INO80: variants seen among roughly 807,000 people sequenced by gnomAD.
The protein encoded by INO80 is INO80 complex ATPase subunit.
Under a neutral mutation model 203.4 loss-of-function variants are expected in INO80, and 20 were observed. That is an observed-to-expected ratio of 0.10 (90% CI 0.07 to 0.14). INO80 has a LOEUF of 0.14. Among genes scored for constraint, INO80 ranks in the 10% least tolerant of loss-of-function variants. INO80 has a pLI of 1.00. For missense variants in INO80, 1,419 were observed against 1,914.4 expected, an observed-to-expected ratio of 0.74 and a Z score of 4.83; for synonymous variants, 726 against 685.2, an observed-to-expected ratio of 1.06 and a Z score of -0.93.
intron 19 of INO80, among the ~76,000 whole-genome samples, chr15:41,053,635 G>A (rs2044926331): frequency 6.6e-6 from 1 of 152,130 alleles, no homozygotes; most frequent in Admixed American, 6.5e-5. Flanking sequence ...TTGAATAAGA[G>A]AGAGGTAGAG....
intron 28 of INO80, among the ~76,000 whole-genome samples, chr15:41,003,988 A>G (rs1469067145): frequency 6.6e-6 from 1 of 152,236 alleles, no homozygotes; most frequent in Non-Finnish European, 1.5e-5. Context: ...AGGACATGAC[A>G]TGATAAAATA....
chr15:41,020,776 C>CA, intron 26 of INO80, 124 bp downstream of exon 26: 1 of 616,594 alleles, frequency 1.6e-6, no homozygotes, highest in Non-Finnish European at 2.8e-6. Context: ...TTACTAAGGC[C>CA]AAAAAAGGAA....
chr15:41,085,079 A>T (rs1488231939), intron 7 of INO80, among the ~76,000 whole-genome samples: 1 of 152,180 alleles, frequency 6.6e-6, no homozygotes, highest in Admixed American at 6.6e-5. Context: ...TTGGCTGTCA[A>T]GTATCTATTG....
chr15:41,002,520 C>A (rs775015201), intron 28 of INO80, among the ~76,000 whole-genome samples: 1 of 152,152 alleles, frequency 6.6e-6, no homozygotes, highest in Non-Finnish European at 1.5e-5. Context: ...GCCAGGAGAA[C>A]GACTGCGGCT....
intron 35 of INO80, among the ~76,000 whole-genome samples, chr15:40,982,461 G>A (rs1352133227): frequency 6.6e-6 from 1 of 152,102 alleles, no homozygotes; most frequent in Non-Finnish European, 1.5e-5. Flanking sequence ...TGTGGTATAC[G>A]CCTATGCATG....
At chr15:41,080,430 T>C (rs1189140857) in intron 8 of INO80, among the ~76,000 whole-genome samples, 1 of 152,200 alleles carries the variant, frequency 6.6e-6, no homozygotes, top group Non-Finnish European at 1.5e-5. Context: ...GGGAAGGTAT[T>C]CACATCATTA....
At chr15:41,011,086 T>C (rs1313513940) in intron 27 of INO80, among the ~76,000 whole-genome samples, 1 of 152,228 alleles carries the variant, frequency 6.6e-6, no homozygotes, top group African/African-American at 2.4e-5. Context: ...CCTACTCCTG[T>C]TATTTCCCTT....
intron 29 of INO80, among the ~76,000 whole-genome samples, chr15:40,996,442 C>T (rs1479151065): frequency 1.3e-5 from 2 of 152,192 alleles, no homozygotes; most frequent in Non-Finnish European, 2.9e-5. Context: ...CCTGCCTCAC[C>T]TCCCGAGTAG....
At chr15:41,075,381 C>T (rs2045387437) in intron 9 of INO80, among the ~76,000 whole-genome samples, 1 of 151,880 alleles carries the variant, frequency 6.6e-6, no homozygotes, top group African/African-American at 2.4e-5. Flanking sequence ...AAGTGATTCT[C>T]CTGCCTTGCT....
chr15:41,116,184 G>C lies in INO80; in HGVS notation c.-255C>G. The C allele has an allele frequency of 2.5e-6, 1 of 408,128 alleles. No individual in the cohort carries two copies. Among genetic ancestry groups the C allele is most frequent in the Non-Finnish European group, 4.3e-6 (1 of 234,362 alleles). 25.3% of individuals were successfully genotyped at this position (408,128 alleles called of 1,614,324 possible). On this transcript the variant is annotated 5_prime_UTR_variant, in exon 1 of 36. Coordinates refer to ENST00000648947, the MANE Select transcript of INO80 (RefSeq NM_017553.3). Reference sequence around the variant, plus strand: ...ATGGCGGCGGCGCTGAGGCGGCTGCGGGCGCTGGGCCGGCGGCGGCGGCGG... The same window carrying C: ...ATGGCGGCGGCGCTGAGGCGGCTGCCGGCGCTGGGCCGGCGGCGGCGGCGG...
rs528227088 is a variant in INO80, at chr15:41,054,068, A to G, written c.2189-54T>C. On this transcript the variant is annotated intron_variant, in intron 18 of 35. Coordinates refer to ENST00000648947, the MANE Select transcript of INO80 (RefSeq NM_017553.3). ...ACATTATAGTGATTTCACAAAAACA[A>G]CAGAAACAAATACCACATTCACCTC... 4.3e-6 allele frequency: 6 copies of G among 1,403,358 alleles called. No individual in the cohort carries two copies. The South Asian group carries it at 7.2e-5, about 17-fold the overall frequency. The allele number at this position is 1,403,358 out of a possible 1,614,324, so 86.9% of individuals were successfully genotyped here.
At chr15:41,037,098 A>G (rs2044588838) in intron 24 of INO80, among the ~76,000 whole-genome samples, 1 of 151,948 alleles carries the variant, frequency 6.6e-6, no homozygotes. Flanking sequence ...GCAAGACTCT[A>G]TCTCAAAAAA....
At chr15:41,084,941 T>G (rs748293851) in intron 7 of INO80, among the ~76,000 whole-genome samples, 1 of 152,194 alleles carries the variant, frequency 6.6e-6, no homozygotes, top group Non-Finnish European at 1.5e-5. Flanking sequence ...TTCACCATGC[T>G]GTCCAGACTG....
rs758673078 is a variant in INO80, at chr15:41,071,989, T to C, written c.1465A>G (p.Thr489Ala). 5.6e-5 allele frequency: 91 copies of C among 1,612,790 alleles called. No individual in the cohort carries two copies. Among genetic ancestry groups the C allele is most frequent in the Non-Finnish European group, 7.6e-5 (90 of 1,179,804 alleles). ...AALRAANKSG[T>A]GFGESYSLAN... ...AGGCTATAACTCTCCCCAAACCCAGTGCCAGACTTGTTTGCTGCCCGTAGG... is the reference window on the plus strand; with the variant it reads ...AGGCTATAACTCTCCCCAAACCCAGCGCCAGACTTGTTTGCTGCCCGTAGG... The change falls in exon 12 of 36, where the codon ACT becomes GCT. Residue 489 changes from threonine (T) to alanine (A), a missense_variant. Coordinates refer to ENST00000648947, the MANE Select transcript of INO80 (RefSeq NM_017553.3).
At chr15:41,066,602 G>C (rs1382706301) in intron 14 of INO80, among the ~76,000 whole-genome samples, 1 of 151,706 alleles carries the variant, frequency 6.6e-6, no homozygotes. Context: ...GCCAAGGTGG[G>C]ATGATTGTGT....
At position 41,099,195 on chromosome 15, in the gene INO80, T is replaced by G. The variant is rs1224111497; in HGVS notation, c.-43-2842A>C. ...AGGAAGTCAAGGCTGCAGTGAGCTA[T>G]CATTGTGCCACTGTGCTCCAGCCTG... On this transcript the variant is annotated intron_variant, in intron 1 of 35. Coordinates refer to ENST00000648947, the MANE Select transcript of INO80 (RefSeq NM_017553.3). 4.0e-5 allele frequency among the ~76,000 whole-genome samples: 5 copies of G among 124,526 alleles called. No individual in the cohort carries two copies. In the East Asian group the frequency reaches 1.2e-3, roughly 29 times the overall value. The allele number at this position is 124,526 out of a possible 152,430, so 81.7% of individuals were successfully genotyped here.
intron 1 of INO80, among the ~76,000 whole-genome samples, chr15:41,098,539 G>T (rs1364358694): frequency 2.0e-5 from 3 of 151,994 alleles, no homozygotes; most frequent in Non-Finnish European, 4.4e-5. Context: ...GCTGGGCATG[G>T]TGGCACAGGC....
chr15:41,008,137 A>C lies in INO80; in HGVS notation c.3403-2450T>G, dbSNP rs575383462. 9.0e-4 allele frequency among the ~76,000 whole-genome samples: 137 copies of C among 152,250 alleles called. 1 individual carries two copies. Among genetic ancestry groups the C allele is most frequent in the African/African-American group, 3.2e-3 (134 of 41,542 alleles). ...CTGCAGTGAGCCAAGATCATGCCAC[A>C]GCACTGCAGCCTGGGCAACAGGGTG... On this transcript the variant is annotated intron_variant, in intron 27 of 35. Coordinates refer to ENST00000648947, the MANE Select transcript of INO80 (RefSeq NM_017553.3).
intron 15 of INO80, among the ~76,000 whole-genome samples, chr15:41,059,208 T>C (rs1205988796): frequency 6.6e-6 from 1 of 151,474 alleles, no homozygotes; most frequent in Non-Finnish European, 1.5e-5. Flanking sequence ...GTGATCCTCC[T>C]GCCTCGGCCT....
Sources: allele counts gnomAD v4.1 joint callset (sites outside exome capture counted in the v4.1 genomes callset), GRCh38; gene constraint gnomAD v4.1.1; transcripts MANE v1.5; gene names NCBI Gene and HGNC (gene_info 2026-07-23, HGNC 2026-07-21).